Variants in CCSER1 observed in about 807,000 individuals in gnomAD.
CCSER1 encodes the protein serine-rich coiled-coil domain-containing protein 1.
CCSER1 carries 41 observed loss-of-function variants against 82.0 expected under a neutral mutation model. That is an observed-to-expected ratio of 0.50 (90% CI 0.39 to 0.65). CCSER1 has a LOEUF of 0.65. Among genes scored for constraint, CCSER1 ranks in the 30% least tolerant of loss-of-function variants. The pLI is 0.00. For synonymous variants in CCSER1, 414 were observed against 383.9 expected, an observed-to-expected ratio of 1.08 and a Z score of -0.92; for missense variants, 1,119 against 1,064.2, an observed-to-expected ratio of 1.05 and a Z score of -0.72.
chr4:90,469,950 T>G (rs1410081893), intron 5 of CCSER1, among the ~76,000 whole-genome samples: 1 of 152,160 alleles, frequency 6.6e-6, no homozygotes, highest in Admixed American at 6.5e-5. Context: ...AAATTTGAAA[T>G]GGAACATGAG....
chr4:91,545,665 A>ATCTAC (rs1761850828), intron 10 of CCSER1, among the ~76,000 whole-genome samples: 2 of 152,138 alleles, frequency 1.3e-5, no homozygotes, highest in African/African-American at 4.8e-5. Flanking sequence ...TTTACATATT[A>ATCTAC]GATCCAGAAG....
intron 8 of CCSER1, among the ~76,000 whole-genome samples, chr4:90,876,410 T>A (rs891656916): frequency 2.6e-5 from 4 of 152,140 alleles, no homozygotes; most frequent in Non-Finnish European, 5.9e-5. Context: ...AAATCATGTG[T>A]GCTGGCAACA....
chr4:91,523,581 C>T (rs1000795156), intron 10 of CCSER1, among the ~76,000 whole-genome samples: 18 of 152,114 alleles, frequency 1.2e-4, no homozygotes, highest in African/African-American at 4.3e-4. Context: ...AAGGATGCAA[C>T]TTCTTCCTGG....
intron 5 of CCSER1, among the ~76,000 whole-genome samples, chr4:90,493,535 G>A: frequency 6.6e-6 from 1 of 152,152 alleles, no homozygotes; most frequent in Admixed American, 6.5e-5. Context: ...TACCCACAAA[G>A]GGAAGCCCAT....
At chr4:90,639,992 C>T (rs1224258988) in intron 6 of CCSER1, among the ~76,000 whole-genome samples, 2 of 151,620 alleles carry the variant, frequency 1.3e-5, no homozygotes, top group Admixed American at 6.6e-5. Context: ...AAAGAGTGTC[C>T]AGGGAGCTAG....
At chr4:91,440,590 G>T (rs112420952) in intron 10 of CCSER1, among the ~76,000 whole-genome samples, 61 of 152,228 alleles carry the variant, frequency 4.0e-4, no homozygotes, top group African/African-American at 1.4e-3. Context: ...ACATTCAAAA[G>T]CTAGGAGAAG....
intron 1 of CCSER1, among the ~76,000 whole-genome samples, chr4:90,272,287 G>A (rs1726684160): frequency 6.6e-6 from 1 of 152,092 alleles, no homozygotes; most frequent in South Asian, 2.1e-4. Flanking sequence ...CATGCAAATG[G>A]CAAACAGGTA....
intron 10 of CCSER1, among the ~76,000 whole-genome samples, chr4:91,422,860 A>G (rs1012386661): frequency 6.6e-6 from 1 of 152,198 alleles, no homozygotes; most frequent in Non-Finnish European, 1.5e-5. Flanking sequence ...AGCTGGTGTT[A>G]GCAATGGGTA....
intron 1 of CCSER1, among the ~76,000 whole-genome samples, chr4:90,271,538 T>C (rs1037667338): frequency 3.3e-5 from 5 of 151,914 alleles, no homozygotes; most frequent in Non-Finnish European, 7.4e-5. Context: ...GTGAAACTAC[T>C]AAAATAAAAC....
chr4:91,267,338 A>G (rs974761644), intron 10 of CCSER1, among the ~76,000 whole-genome samples: 2 of 152,100 alleles, frequency 1.3e-5, no homozygotes, highest in African/African-American at 4.8e-5. Flanking sequence ...AAAGTATATC[A>G]TAATCATAAT....
At chr4:91,367,276 C>T (rs538087174) in intron 10 of CCSER1, among the ~76,000 whole-genome samples, 30 of 144,198 alleles carry the variant, frequency 2.1e-4, no homozygotes, top group Non-Finnish European at 3.0e-4. Flanking sequence ...AAGATTGCAC[C>T]GCTGCACTCC....
intron 10 of CCSER1, among the ~76,000 whole-genome samples, chr4:91,431,996 C>T (rs767756386): frequency 2.6e-5 from 4 of 151,848 alleles, no homozygotes; most frequent in African/African-American, 7.3e-5. Context: ...CCTCACTTGT[C>T]GAGGGAGGGA....
chr4:90,483,948 G>T (rs1766533187), intron 5 of CCSER1, among the ~76,000 whole-genome samples: 1 of 152,136 alleles, frequency 6.6e-6, no homozygotes, highest in Admixed American at 6.5e-5. Context: ...AGTTGTCCTG[G>T]ATAATATCCT....
At chr4:91,391,295 T>TATC (rs1158794397) in intron 10 of CCSER1, among the ~76,000 whole-genome samples, 10 of 152,118 alleles carry the variant, frequency 6.6e-5, no homozygotes, top group Non-Finnish European at 8.8e-5. Context: ...AGATTTCACC[T>TATC]ATCTGTTATT....
At chr4:91,441,021 A>G (rs1755093250) in intron 10 of CCSER1, among the ~76,000 whole-genome samples, 1 of 152,198 alleles carries the variant, frequency 6.6e-6, no homozygotes, top group African/African-American at 2.4e-5. Flanking sequence ...ATGGATTCAC[A>G]GCCGAATTCT....
intron 6 of CCSER1, among the ~76,000 whole-genome samples, chr4:90,645,706 A>T (rs889832162): frequency 6.6e-6 from 1 of 152,190 alleles, no homozygotes; most frequent in African/African-American, 2.4e-5. Context: ...GTGTGATCTA[A>T]TTTAGTACCT....
chr4:90,841,833 A>T (rs10021524), intron 8 of CCSER1, among the ~76,000 whole-genome samples: 7 of 151,838 alleles, frequency 4.6e-5, no homozygotes, highest in African/African-American at 1.7e-4. Context: ...CTCATTCATT[A>T]TTTCTAACAA....
At chr4:90,157,197 T>C (rs1357535004) in intron 1 of CCSER1, among the ~76,000 whole-genome samples, 2 of 152,196 alleles carry the variant, frequency 1.3e-5, no homozygotes, top group Non-Finnish European at 2.9e-5. Context: ...TGTTGAATAT[T>C]GGCCCCCACT....
chr4:90,517,154 C>T (rs1010037282), intron 5 of CCSER1, among the ~76,000 whole-genome samples: 9 of 152,052 alleles, frequency 5.9e-5, no homozygotes, highest in African/African-American at 2.2e-4. Context: ...TCATCTAACA[C>T]GAAGCCTATT....
Sources: gnomAD v4.1 joint callset for allele counts (sites outside exome capture counted in the v4.1 genomes callset) on GRCh38, gnomAD v4.1.1 for gene constraint, MANE v1.5 for transcripts, NCBI Gene and HGNC (gene_info 2026-07-23, HGNC 2026-07-21) for gene names.